The following POLDIP3 variants were observed in gnomAD, a reference collection of about 807,000 sequenced individuals.
POLDIP3 encodes the protein DNA polymerase delta interacting protein 3, also known as polymerase delta-interacting protein 3.
In POLDIP3, 14 loss-of-function variants were observed where a neutral mutation model predicts 45.1. The observed-to-expected ratio is 0.31, with a 90% CI of 0.20 to 0.49. The LOEUF is 0.49. POLDIP3 is among the 20% of genes least tolerant of loss of function. POLDIP3 has a pLI of 0.99. For synonymous variants in POLDIP3, 223 were observed against 205.2 expected (o/e 1.09, Z -0.74); for missense variants, 511 against 538.8 (o/e 0.95, Z 0.51).
intron 1 of POLDIP3, among the ~76,000 whole-genome samples, chr22:42,610,965 T>C (rs936486841): frequency 3.9e-5 from 6 of 152,140 alleles, no homozygotes; most frequent in Non-Finnish European, 8.8e-5. Context: ...TGGTACCTAA[T>C]GCTATCCTGA....
intron 1 of POLDIP3, among the ~76,000 whole-genome samples, chr22:42,609,353 G>C (rs921100158): frequency 1.3e-5 from 2 of 152,198 alleles, no homozygotes; most frequent in African/African-American, 4.8e-5. Context: ...GCTTCACCAG[G>C]TATTCCGCGA....
At position 42,584,905 on chromosome 22, in the gene POLDIP3, A is replaced by G; in HGVS notation, c.*886T>C. The G allele has an allele frequency of 2.2e-6, 1 of 456,274 alleles. No individual in the cohort carries two copies. Among genetic ancestry groups the G allele is most frequent in the South Asian group, 1.5e-5 (1 of 64,574 alleles). 28.3% of individuals were successfully genotyped at this position (456,274 alleles called of 1,614,324 possible). A position where few individuals can be genotyped will look rare whatever the true frequency, so the allele number is the denominator to read the frequency against. On this transcript the variant is annotated 3_prime_UTR_variant, in exon 9 of 9. Transcript: ENST00000252115. ...TCCATTCAAATAAGCTCCAAACCCA[A>G]GCACTGCACAATGGGAGGCTGAGCC...
intron 4 of POLDIP3, among the ~76,000 whole-genome samples, chr22:42,599,450 A>C (rs186444857): frequency 1.6e-4 from 24 of 152,294 alleles, no homozygotes; most frequent in African/African-American, 4.8e-4. Context: ...CTAAAAATAC[A>C]AAAATTAGCT....
intron 1 of POLDIP3, among the ~76,000 whole-genome samples, chr22:42,607,106 G>A (rs1048100135): frequency 7.9e-5 from 12 of 152,068 alleles, no homozygotes; most frequent in Non-Finnish European, 1.6e-4. Context: ...CTCTACAAAA[G>A]ATACAAAAAA....
Position 42,602,920 on chromosome 22 carries a change from A to T in POLDIP3, c.300T>A (p.Ser100=), listed in dbSNP as rs554729615. ...GGGGCACCGTGGTCTGCTGCTTGCGAGAGTTCAACATCTCTCTGGCATCCT... is the reference window on the plus strand; with the variant it reads ...GGGGCACCGTGGTCTGCTGCTTGCGTGAGTTCAACATCTCTCTGGCATCCT... The part of the protein sequence containing the change: ...KVQDAREMLN[S]RKQQTTVPQK... Residue 100 remains serine, a synonymous_variant, in exon 2 of 9, where the codon TCT becomes TCA. Coordinates refer to ENST00000252115, the MANE Select transcript of POLDIP3 (RefSeq NM_032311.5). 6.2e-7 allele frequency: 1 copy of T among 1,614,042 alleles called. No homozygotes were observed. The highest frequency in any genetic ancestry group is 8.5e-7 in the Non-Finnish European group (1 of 1,180,004).
intron 7 of POLDIP3, among the ~76,000 whole-genome samples, chr22:42,591,099 A>T (rs951188712): frequency 6.6e-5 from 10 of 151,298 alleles, no homozygotes; most frequent in African/African-American, 2.4e-4. Context: ...AAATAATAAA[A>T]AATAAAAATA....
intron 1 of POLDIP3, among the ~76,000 whole-genome samples, chr22:42,606,237 C>G (rs1926718743): frequency 6.7e-6 from 1 of 148,560 alleles, no homozygotes; most frequent in Admixed American, 6.7e-5. Flanking sequence ...TTTTAAGAAA[C>G]AAGGCTGGGC....
chr22:42,609,155 C>T (rs185926243), intron 1 of POLDIP3, among the ~76,000 whole-genome samples: 10 of 152,326 alleles, frequency 6.6e-5, no homozygotes, highest in South Asian at 2.1e-4. Context: ...GGGGGGGCCT[C>T]GGCTCTGGCT....
rs1925207242 is a variant in POLDIP3 at position 42,585,021 on chromosome 22, A to C, written c.*770T>G. ...CGAGGTGAGAACCGGGAGGGCTCAC[A>C]ACACAGCCCCCTCCCAGCAAAGACA... On this transcript the variant is annotated 3_prime_UTR_variant, in exon 9 of 9. Coordinates refer to ENST00000252115, the MANE Select transcript of POLDIP3 (RefSeq NM_032311.5). 2.2e-6 allele frequency: 1 copy of C among 456,100 alleles called. No homozygotes were observed. The highest frequency in any genetic ancestry group is 2.0e-5 in the African/African-American group (1 of 50,080). The allele number at this position is 456,100 out of a possible 1,614,324, so 28.3% of individuals were successfully genotyped here. A position where few individuals can be genotyped will look rare whatever the true frequency, so the allele number is the denominator to read the frequency against.
chr22:42,597,473 G>A (rs1019547083), intron 4 of POLDIP3, among the ~76,000 whole-genome samples: 4 of 152,286 alleles, frequency 2.6e-5, no homozygotes, highest in South Asian at 2.1e-4. Context: ...CCCTGAGAGC[G>A]AGACTGCTCG....
intron 1 of POLDIP3, among the ~76,000 whole-genome samples, chr22:42,613,675 C>T (rs545142225): frequency 6.6e-6 from 1 of 152,156 alleles, no homozygotes; most frequent in Non-Finnish European, 1.5e-5. Context: ...GCAGGAGAAT[C>T]GCTGGAACCG....
chr22:42,614,219 C>T (rs968558094), intron 1 of POLDIP3, among the ~76,000 whole-genome samples: 6 of 152,322 alleles, frequency 3.9e-5, no homozygotes, highest in Middle Eastern at 3.4e-3. Flanking sequence ...ACATGAATAG[C>T]TAGCAGACAA....
intron 6 of POLDIP3, among the ~76,000 whole-genome samples, chr22:42,594,342 C>T (rs544966095): frequency 6.6e-6 from 1 of 152,014 alleles, no homozygotes; most frequent in Non-Finnish European, 1.5e-5. Context: ...GAAACCCTGC[C>T]TCTACTGAAA....
intron 3 of POLDIP3, among the ~76,000 whole-genome samples, chr22:42,601,511 C>T (rs1190581476): frequency 6.6e-6 from 1 of 152,054 alleles, no homozygotes; most frequent in East Asian, 1.9e-4. Context: ...GCCTGTAATC[C>T]CAGCACTTTG....
intron 2 of POLDIP3, 131 bp from the exon 3 acceptor site, chr22:42,602,187 T>G: frequency 7.2e-7 from 1 of 1,398,472 alleles, no homozygotes; most frequent in Non-Finnish European, 9.8e-7. Flanking sequence ...ACAGAGGGCC[T>G]TATCCTCCAC....
intron 8 of POLDIP3, 38 bp downstream of exon 8, chr22:42,587,468 G>A: frequency 6.4e-7 from 1 of 1,569,510 alleles, no homozygotes; most frequent in Non-Finnish European, 8.8e-7. Context: ...GAGATGGACG[G>A]AGCTGCCTCT....
At chr22:42,599,079 G>A (rs929963580) in intron 4 of POLDIP3, among the ~76,000 whole-genome samples, 4 of 152,198 alleles carry the variant, frequency 2.6e-5, no homozygotes, top group African/African-American at 7.2e-5. Flanking sequence ...ATGCAGAATG[G>A]CCAGCCACCA....
intron 4 of POLDIP3, among the ~76,000 whole-genome samples, chr22:42,598,585 C>G (rs1230878188): frequency 6.6e-6 from 1 of 152,088 alleles, no homozygotes; most frequent in Non-Finnish European, 1.5e-5. Flanking sequence ...GTGGTTTCAC[C>G]GTGCTAGCCA....
intron 3 of POLDIP3, among the ~76,000 whole-genome samples, chr22:42,600,517 T>C (rs1926290140): frequency 6.6e-6 from 1 of 151,902 alleles, no homozygotes; most frequent in African/African-American, 2.4e-5. Flanking sequence ...TCCCAGCTAC[T>C]CGGGAGGCTG....
Sources: allele counts gnomAD v4.1 joint callset (sites outside exome capture counted in the v4.1 genomes callset), GRCh38; gene constraint gnomAD v4.1.1; transcripts MANE v1.5; gene names NCBI Gene and HGNC (gene_info 2026-07-23, HGNC 2026-07-21).